MKLN1: variants seen among roughly 807,000 people sequenced by gnomAD.
MKLN1 encodes muskelin 1, also known as muskelin.
In MKLN1, 18 loss-of-function variants were observed where a neutral mutation model predicts 99.0. The observed-to-expected ratio is 0.18, with a 90% CI of 0.13 to 0.27. The LOEUF is 0.27. MKLN1 is among the 10% of genes least tolerant of loss of function. The probability of loss-of-function intolerance (pLI) is 1.00; values close to 1 mark genes in which losing one functional copy is unlikely to be tolerated. For synonymous variants in MKLN1, 288 were observed against 293.2 expected (o/e 0.98, Z 0.18); for missense variants, 621 against 875.9 (o/e 0.71, Z 3.67).
At chr7:131,221,545 A>G (rs73151598) in intron 3 of MKLN1, among the ~76,000 whole-genome samples, 5,371 of 141,908 alleles carry the variant, frequency 0.038, 126 homozygotes, top group Middle Eastern at 0.072. Flanking sequence ...GTCTGGCTCC[A>G]TCACCCACGC....
intron 9 of MKLN1, among the ~76,000 whole-genome samples, chr7:131,430,508 C>T (rs1014143131): frequency 2.0e-5 from 3 of 151,876 alleles, no homozygotes; most frequent in East Asian, 1.9e-4. Context: ...AAATCTAAGG[C>T]GATGACATCT....
chr7:131,151,914 G>A (rs1795893920), intron 2 of MKLN1, among the ~76,000 whole-genome samples: 1 of 152,108 alleles, frequency 6.6e-6, no homozygotes, highest in Non-Finnish European at 1.5e-5. Flanking sequence ...TAGACAGAAA[G>A]CATAAAGGAC....
At chr7:131,275,550 TATATATATATATATATA>T (rs1218961642) in intron 3 of MKLN1, among the ~76,000 whole-genome samples, 40 of 21,540 alleles carry the variant, frequency 1.9e-3, no homozygotes, top group African/African-American at 8.1e-3. Flanking sequence ...TATATATATA[TATATATATATATATATA>T]TTTTTTTTTT....
chr7:131,425,292 C>T (rs1367874268), intron 8 of MKLN1, among the ~76,000 whole-genome samples: 1 of 148,854 alleles, frequency 6.7e-6, no homozygotes, highest in African/African-American at 2.5e-5. Flanking sequence ...GAAAAGCCCT[C>T]TTTTTTTTTT....
chr7:131,202,560 C>A (rs554638523), intron 2 of MKLN1, among the ~76,000 whole-genome samples: 1 of 152,284 alleles, frequency 6.6e-6, no homozygotes, highest in Non-Finnish European at 1.5e-5. Flanking sequence ...ACATTTTAGA[C>A]CAGATCATTC....
chr7:131,292,878 T>A (rs766557742), intron 3 of MKLN1, among the ~76,000 whole-genome samples: 6 of 152,234 alleles, frequency 3.9e-5, no homozygotes, highest in Non-Finnish European at 7.3e-5. Flanking sequence ...AGGGATTTGT[T>A]AGTTACCACT....
chr7:131,139,411 A>G (rs1373731432), intron 1 of MKLN1, among the ~76,000 whole-genome samples: 6 of 148,106 alleles, frequency 4.1e-5, no homozygotes, highest in Middle Eastern at 3.5e-3. Context: ...TTCGCTCCCC[A>G]GGGCCAACCT....
intron 4 of MKLN1, among the ~76,000 whole-genome samples, chr7:131,396,963 T>G (rs1794379764): frequency 6.6e-6 from 1 of 152,254 alleles, no homozygotes; most frequent in African/African-American, 2.4e-5. Flanking sequence ...TTTTGCTGCT[T>G]GTACATTTGA....
At chr7:131,200,298 C>T (rs1796708262) in intron 2 of MKLN1, among the ~76,000 whole-genome samples, 1 of 152,112 alleles carries the variant, frequency 6.6e-6, no homozygotes, top group Admixed American at 6.6e-5. Flanking sequence ...GAGTAAAATT[C>T]CCCTTCCTCA....
chr7:131,431,092 G>A (rs1297720571), intron 9 of MKLN1, among the ~76,000 whole-genome samples: 1 of 151,988 alleles, frequency 6.6e-6, no homozygotes, highest in Non-Finnish European at 1.5e-5. Flanking sequence ...CATGGTAGCA[G>A]GTGCCTGTAA....
rs60571380 is a variant in MKLN1 at position 131,444,718 on chromosome 7, G to GAGTAGTAGT, written c.1396-1023_1396-1015dup. Reference sequence around the variant, plus strand: ...GTGTGTACCACCACACCTGGGTTTTGAGTAGTAGTAGTAGTAGTAGTAGTA... The same window carrying GAGTAGTAGT: ...GTGTGTACCACCACACCTGGGTTTTGAGTAGTAGTAGTAGTAGTAGTAGTAGTAGTAGTA... On this transcript the variant is annotated intron_variant, in intron 11 of 17. Coordinates refer to ENST00000352689, the MANE Select transcript of MKLN1 (RefSeq NM_013255.5). Among the ~76,000 whole-genome samples the GAGTAGTAGT allele has an allele frequency of 1.5e-3, 189 of 128,694 alleles. 1 individual carries two copies. The highest frequency in any genetic ancestry group is 2.0e-3 in the Non-Finnish European group (123 of 60,852). The allele number at this position is 128,694 out of a possible 152,430, so 84.4% of individuals were successfully genotyped here.
At chr7:131,428,544 G>T (rs958633960) in intron 8 of MKLN1, among the ~76,000 whole-genome samples, 3 of 152,108 alleles carry the variant, frequency 2.0e-5, no homozygotes, top group African/African-American at 7.2e-5. Context: ...ACAGCTAAAT[G>T]TTCTTATGCT....
At chr7:131,344,084 C>T (rs553766479) in intron 1 of MKLN1, among the ~76,000 whole-genome samples, 13 of 152,246 alleles carry the variant, frequency 8.5e-5, no homozygotes, top group Non-Finnish European at 1.6e-4. Flanking sequence ...AACACAGACA[C>T]ATGATTTGTA....
intron 16 of MKLN1, among the ~76,000 whole-genome samples, chr7:131,474,640 A>G (rs1796916585): frequency 1.3e-5 from 2 of 152,222 alleles, no homozygotes. Flanking sequence ...TCAACCCCAA[A>G]TAAGTAGGAA....
At chr7:131,241,581 A>T (rs895304645) in intron 3 of MKLN1, among the ~76,000 whole-genome samples, 4 of 152,160 alleles carry the variant, frequency 2.6e-5, no homozygotes, top group African/African-American at 9.7e-5. Flanking sequence ...GGTGGCCTGC[A>T]CATGTGGTCC....
At chr7:131,334,081 C>T (rs1203309141) in intron 1 of MKLN1, among the ~76,000 whole-genome samples, 1 of 152,148 alleles carries the variant, frequency 6.6e-6, no homozygotes, top group African/African-American at 2.4e-5. Flanking sequence ...TATCCCTTTA[C>T]TTTAGCTTTT....
chr7:131,158,006 T>C (rs762319408), intron 2 of MKLN1, among the ~76,000 whole-genome samples: 16 of 152,202 alleles, frequency 1.1e-4, no homozygotes, highest in Non-Finnish European at 7.3e-5. Flanking sequence ...CACCTGCCTA[T>C]CCATGCTGCA....
At chr7:131,233,974 T>TTTTTA (rs571472514) in intron 3 of MKLN1, among the ~76,000 whole-genome samples, 143 of 152,282 alleles carry the variant, frequency 9.4e-4, no homozygotes, top group African/African-American at 3.2e-3. Flanking sequence ...TTTCCTTTTC[T>TTTTTA]TTTTATTTTA....
At chr7:131,355,028 G>A (rs1464307994) in intron 1 of MKLN1, among the ~76,000 whole-genome samples, 1 of 152,024 alleles carries the variant, frequency 6.6e-6, no homozygotes, top group Middle Eastern at 3.2e-3. Context: ...TAATCCTACT[G>A]CGTGGCCTCC....
Sources: gnomAD v4.1 joint callset for allele counts (sites outside exome capture counted in the v4.1 genomes callset) on GRCh38, gnomAD v4.1.1 for gene constraint, MANE v1.5 for transcripts, NCBI Gene and HGNC (gene_info 2026-07-23, HGNC 2026-07-21) for gene names.